The following MCOLN2 variants were observed in gnomAD, a reference collection of about 807,000 sequenced individuals.
The protein encoded by MCOLN2 is mucolipin TRP cation channel 2.
In MCOLN2, 57 loss-of-function variants were observed where a neutral mutation model predicts 67.5. That is an observed-to-expected ratio of 0.84 (90% CI 0.68 to 1.05). The LOEUF (loss-of-function observed/expected upper bound fraction) is 1.05. Ranked by LOEUF, MCOLN2 falls within the 50% of genes least tolerant of loss-of-function variation. MCOLN2 has a pLI of 0.00. For missense variants in MCOLN2, 620 were observed against 678.8 expected (o/e 0.91, Z 0.96); for synonymous variants, 246 against 233.3 (o/e 1.05, Z -0.50).
At chr1:84,936,570 G>T (rs929498928) in intron 11 of MCOLN2, among the ~76,000 whole-genome samples, 2 of 152,170 alleles carry the variant, frequency 1.3e-5, no homozygotes, top group African/African-American at 4.8e-5. Context: ...CATGGAGTAT[G>T]AAGAGCAATA....
At chr1:84,981,082 C>T (rs1400171304) in intron 1 of MCOLN2, among the ~76,000 whole-genome samples, 6 of 151,392 alleles carry the variant, frequency 4.0e-5, no homozygotes, top group South Asian at 2.1e-4. Context: ...ACTAGAGAAA[C>T]GCAAATCAAA....
At chr1:84,941,384 C>T (rs372230897) in intron 7 of MCOLN2, among the ~76,000 whole-genome samples, 8 of 152,268 alleles carry the variant, frequency 5.3e-5, no homozygotes, top group Admixed American at 3.9e-4. Context: ...GTAGTCCCAG[C>T]TACTTGGGAG....
At chr1:84,996,152 T>A (rs1651135592) in intron 1 of MCOLN2, among the ~76,000 whole-genome samples, 1 of 152,018 alleles carries the variant, frequency 6.6e-6, no homozygotes, top group South Asian at 2.1e-4. Flanking sequence ...GGTTAGCACA[T>A]CACAAAGGTG....
intron 4 of MCOLN2, among the ~76,000 whole-genome samples, chr1:84,953,380 T>C (rs1282516985): frequency 6.6e-6 from 1 of 152,010 alleles, no homozygotes; most frequent in African/African-American, 2.4e-5. Flanking sequence ...TGAAACGCCG[T>C]CTCTACTAAA....
intron 6 of MCOLN2, among the ~76,000 whole-genome samples, chr1:84,948,911 T>C (rs983180021): frequency 6.6e-6 from 1 of 152,216 alleles, no homozygotes. Context: ...AGGTGGATCA[T>C]TTTAGGTCAG....
At chr1:84,978,899 C>A (rs1650121133) in intron 1 of MCOLN2, among the ~76,000 whole-genome samples, 1 of 152,032 alleles carries the variant, frequency 6.6e-6, no homozygotes. Flanking sequence ...AAGCCATCTG[C>A]AGGTTGAGGA....
At chr1:84,995,620 C>T (rs1651104707) in intron 1 of MCOLN2, among the ~76,000 whole-genome samples, 1 of 151,986 alleles carries the variant, frequency 6.6e-6, no homozygotes, top group South Asian at 2.1e-4. Context: ...CTTTTTCCGC[C>T]GGTTTTAAAA....
At chr1:84,935,233 A>C (rs572955886) in intron 11 of MCOLN2, among the ~76,000 whole-genome samples, 197 of 152,346 alleles carry the variant, frequency 1.3e-3, no homozygotes, top group Admixed American at 2.8e-3. Context: ...AAAAGCACAA[A>C]GTTCCAAAAC....
intron 1 of MCOLN2, among the ~76,000 whole-genome samples, chr1:84,973,849 T>G (rs1649860962): frequency 6.6e-6 from 1 of 152,170 alleles, no homozygotes; most frequent in Non-Finnish European, 1.5e-5. Flanking sequence ...AGGTGAGCAC[T>G]TGCACTACCT....
chr1:84,951,981 G>A (rs1473757668), intron 6 of MCOLN2, among the ~76,000 whole-genome samples: 3 of 152,204 alleles, frequency 2.0e-5, no homozygotes. Context: ...CACCTACTTG[G>A]GAGGCTGAGG....
chr1:84,989,865 G>T (rs572953444), intron 1 of MCOLN2, among the ~76,000 whole-genome samples: 33 of 152,188 alleles, frequency 2.2e-4, no homozygotes, highest in African/African-American at 7.9e-4. Context: ...AGTGAACATT[G>T]AACAATAAAA....
rs190224103 is a variant in MCOLN2 at position 84,993,093 on chromosome 1, G to A, written c.77+3703C>T. Among the ~76,000 whole-genome samples the A allele has an allele frequency of 8.1e-4, 124 of 152,220 alleles. 1 individual carries two copies. Among genetic ancestry groups the A allele is most frequent in the East Asian group, 1.5e-3 (8 of 5,190 alleles). ...CTGCTGTTTTATCAACTATGTTTAC[G>A]GAATATGCTAAATTATGTGTTGTCA... is the stretch of plus-strand genomic sequence containing the variant. On this transcript the variant is annotated intron_variant, in intron 1 of 13. Coordinates refer to ENST00000370608, the MANE Select transcript of MCOLN2 (RefSeq NM_153259.4).
Position 84,940,210 on chromosome 1 carries a change from GA to G in MCOLN2, c.961-509del, listed in dbSNP as rs1647681937. ...GATTGGGGAGCATGTAAGAAAGGTG[GA>G]TATTTACAAAGGACATTGACAAAGG... On this transcript the variant is annotated intron_variant, in intron 8 of 13. Transcript: ENST00000370608. 2.6e-5 allele frequency among the ~76,000 whole-genome samples: 4 copies of G among 152,260 alleles called. No homozygotes were observed. In the South Asian group the frequency reaches 8.3e-4, roughly 32 times the overall value.
At chr1:84,955,186 C>T (rs1397863721) in intron 4 of MCOLN2, among the ~76,000 whole-genome samples, 1 of 152,180 alleles carries the variant, frequency 6.6e-6, no homozygotes, top group Non-Finnish European at 1.5e-5. Context: ...GTTTGCTTCC[C>T]CTTCCACCAT....
rs79593720 is a variant in MCOLN2 at position 84,982,454 on chromosome 1, A to C, written c.77+14342T>G. Among the ~76,000 whole-genome samples, 3 of 152,304 alleles carry C rather than the reference A, an allele frequency of 2.0e-5. No individual in the cohort carries two copies. In the East Asian group the frequency reaches 5.8e-4, roughly 29 times the overall value. ...TGTCCAGCCTGGCAATTCATTTTTA[A>C]TATCCTCATCTATCCCATGCCTTAA... is the stretch of plus-strand genomic sequence containing the variant. On this transcript the variant is annotated intron_variant, in intron 1 of 13. Coordinates refer to ENST00000370608, the MANE Select transcript of MCOLN2 (RefSeq NM_153259.4).
chr1:84,975,017 G>A (rs550427220), intron 1 of MCOLN2, among the ~76,000 whole-genome samples: 57 of 152,244 alleles, frequency 3.7e-4, no homozygotes, highest in African/African-American at 2.9e-4. Context: ...GCTCAGGCAC[G>A]ATACAATAGA....
chr1:84,960,642 T>C (rs555772146), intron 2 of MCOLN2, among the ~76,000 whole-genome samples: 1 of 152,302 alleles, frequency 6.6e-6, no homozygotes, highest in Non-Finnish European at 1.5e-5. Context: ...AACAGAAGGT[T>C]ATAAGTTCTT....
intron 3 of MCOLN2, among the ~76,000 whole-genome samples, chr1:84,957,271 C>T (rs932439097): frequency 3.9e-5 from 6 of 152,180 alleles, no homozygotes; most frequent in African/African-American, 1.2e-4. Context: ...GAGCCATCCA[C>T]ACTCCACAGC....
intron 6 of MCOLN2, among the ~76,000 whole-genome samples, chr1:84,950,259 T>A (rs908096017): frequency 6.6e-6 from 1 of 152,212 alleles, no homozygotes. Context: ...AGGGCTAATA[T>A]GTGAAGTTTT....
Sources: gnomAD v4.1 joint callset for allele counts (sites outside exome capture counted in the v4.1 genomes callset) on GRCh38, gnomAD v4.1.1 for gene constraint, MANE v1.5 for transcripts, NCBI Gene and HGNC (gene_info 2026-07-23, HGNC 2026-07-21) for gene names.